Variants in BACH2 observed in about 807,000 individuals in gnomAD.
The protein encoded by BACH2 is BACH transcriptional regulator 2, also known as transcription regulator protein BACH2.
In BACH2, 5 loss-of-function variants were observed where a neutral mutation model predicts 61.8. The ratio of observed to expected loss-of-function variants is 0.08; its 90% CI spans 0.04 to 0.17. BACH2 has a LOEUF of 0.17. Ranked by LOEUF, BACH2 falls within the 10% of genes least tolerant of loss-of-function variation. The pLI is 1.00. For missense variants in BACH2, 824 were observed against 1,091.1 expected (o/e 0.76, Z 3.45); for synonymous variants, 446 against 440.1 (o/e 1.01, Z -0.17).
At chr6:90,114,107 C>T (rs1783293457) in intron 4 of BACH2, among the ~76,000 whole-genome samples, 1 of 152,122 alleles carries the variant, frequency 6.6e-6, no homozygotes, top group Non-Finnish European at 1.5e-5. Flanking sequence ...GAGCTGGTAC[C>T]ATTCCTACAG....
At chr6:89,944,144 A>C (rs1773595868) in intron 7 of BACH2, among the ~76,000 whole-genome samples, 1 of 152,230 alleles carries the variant, frequency 6.6e-6, no homozygotes, top group South Asian at 2.1e-4. Context: ...TACGTCAATT[A>C]ATTAGTTGTG....
intron 3 of BACH2, among the ~76,000 whole-genome samples, chr6:90,208,091 A>G (rs916293843): frequency 2.0e-5 from 3 of 152,220 alleles, no homozygotes; most frequent in Admixed American, 6.5e-5. Flanking sequence ...AAGATCTAAA[A>G]CCATAAAAAC....
At chr6:90,074,817 T>C (rs1253080478) in intron 5 of BACH2, among the ~76,000 whole-genome samples, 1 of 152,172 alleles carries the variant, frequency 6.6e-6, no homozygotes, top group East Asian at 1.9e-4. Flanking sequence ...AGCTTCTGAA[T>C]GAGTACTCAC....
intron 3 of BACH2, among the ~76,000 whole-genome samples, chr6:90,232,998 G>C (rs1011058349): frequency 3.9e-5 from 6 of 152,064 alleles, no homozygotes; most frequent in Non-Finnish European, 8.8e-5. Flanking sequence ...ATATTTATGG[G>C]GGCTTCTCTT....
At chr6:90,253,557 G>C (rs887615518) in intron 2 of BACH2, among the ~76,000 whole-genome samples, 1 of 152,122 alleles carries the variant, frequency 6.6e-6, no homozygotes, top group Non-Finnish European at 1.5e-5. Flanking sequence ...AATTACATGG[G>C]GAAAAGTGCT....
chr6:90,273,343 G>A (rs1458456137), intron 1 of BACH2, among the ~76,000 whole-genome samples: 1 of 152,120 alleles, frequency 6.6e-6, no homozygotes, highest in African/African-American at 2.4e-5. Context: ...GGGCAACAGA[G>A]CAAGACTCTG....
At chr6:90,295,687 C>T (rs527344639) in intron 1 of BACH2, among the ~76,000 whole-genome samples, 4 of 142,678 alleles carry the variant, frequency 2.8e-5, no homozygotes, top group South Asian at 4.3e-4. Flanking sequence ...GTGTGTGTTG[C>T]ACCTTGACTT....
chr6:90,032,671 T>C (rs1407443398), intron 5 of BACH2, among the ~76,000 whole-genome samples: 12 of 151,986 alleles, frequency 7.9e-5, no homozygotes, highest in African/African-American at 2.2e-4. Context: ...CATCTCACAT[T>C]GGTTAGAATG....
intron 3 of BACH2, among the ~76,000 whole-genome samples, chr6:90,226,326 A>T (rs1307737754): frequency 6.6e-6 from 1 of 152,218 alleles, no homozygotes; most frequent in Non-Finnish European, 1.5e-5. Flanking sequence ...ACTTGCCTCA[A>T]GAGGAGACTC....
At chr6:90,240,549 C>T (rs1232626188) in intron 3 of BACH2, among the ~76,000 whole-genome samples, 1 of 152,180 alleles carries the variant, frequency 6.6e-6, no homozygotes, top group African/African-American at 2.4e-5. Flanking sequence ...ATCTCCTCAG[C>T]CCCACTATAA....
chr6:90,236,956 C>G (rs1770279074), intron 3 of BACH2, among the ~76,000 whole-genome samples: 1 of 152,096 alleles, frequency 6.6e-6, no homozygotes, highest in African/African-American at 2.4e-5. Context: ...GAGAGTCTCT[C>G]TCTGTCGCCC....
At chr6:90,044,523 G>C (rs1779693133) in intron 5 of BACH2, among the ~76,000 whole-genome samples, 1 of 152,196 alleles carries the variant, frequency 6.6e-6, no homozygotes, top group African/African-American at 2.4e-5. Flanking sequence ...GCAAGTGATA[G>C]GATCTGATTT....
chr6:90,221,872 G>A (rs1769745490), intron 3 of BACH2, among the ~76,000 whole-genome samples: 1 of 152,160 alleles, frequency 6.6e-6, no homozygotes, highest in Non-Finnish European at 1.5e-5. Flanking sequence ...GCTGGGAGAT[G>A]AGGCCAAAGA....
intron 2 of BACH2, among the ~76,000 whole-genome samples, chr6:90,258,252 G>A (rs967682764): frequency 4.6e-5 from 7 of 152,042 alleles, no homozygotes; most frequent in Non-Finnish European, 8.8e-5. Context: ...TGTGGTATAC[G>A]ATAACAGTCC....
chr6:90,241,186 T>C (rs1217989225), intron 3 of BACH2, among the ~76,000 whole-genome samples: 1 of 150,462 alleles, frequency 6.6e-6, no homozygotes, highest in African/African-American at 2.4e-5. Context: ...GGTTTCCAGA[T>C]AATATATAAT....
chr6:89,948,123 A>C (rs1299921889), intron 7 of BACH2, among the ~76,000 whole-genome samples: 2 of 152,300 alleles, frequency 1.3e-5, no homozygotes, highest in East Asian at 3.9e-4. Context: ...GGGGGGACAC[A>C]AAAGAAGATG....
chr6:89,936,476 A>G (rs1444250543), intron 8 of BACH2, among the ~76,000 whole-genome samples: 4 of 152,192 alleles, frequency 2.6e-5, no homozygotes, highest in African/African-American at 9.6e-5. Flanking sequence ...GGAGATAGAA[A>G]AAGTGGAGGA....
chr6:90,158,364 T>A (rs911339083), intron 4 of BACH2, among the ~76,000 whole-genome samples: 1 of 152,210 alleles, frequency 6.6e-6, no homozygotes. Context: ...GCCATTCCCC[T>A]TCCTTGCAAA....
chr6:90,002,059 G>A (rs1300529438), intron 6 of BACH2, among the ~76,000 whole-genome samples: 2 of 152,118 alleles, frequency 1.3e-5, no homozygotes, highest in Admixed American at 6.5e-5. Context: ...CCAAATTGCC[G>A]GATGGTCAGT....
Sources: gnomAD v4.1 joint callset for allele counts (sites outside exome capture counted in the v4.1 genomes callset) on GRCh38, gnomAD v4.1.1 for gene constraint, MANE v1.5 for transcripts, NCBI Gene and HGNC (gene_info 2026-07-23, HGNC 2026-07-21) for gene names.